The following ANGPT2 variants were observed in gnomAD, a reference collection of about 807,000 sequenced individuals.
ANGPT2 encodes the protein angiopoietin-2.
A neutral mutation model predicts 62.9 loss-of-function variants in ANGPT2; 28 were observed. That is an observed-to-expected ratio of 0.44 (90% confidence interval 0.33 to 0.61). The LOEUF (loss-of-function observed/expected upper bound fraction) is 0.61. Ranked by LOEUF, ANGPT2 falls within the 20% of genes least tolerant of loss-of-function variation. ANGPT2 has a pLI of 0.03. For synonymous variants in ANGPT2, 284 were observed against 207.8 expected (o/e 1.37, Z -3.15); for missense variants, 727 against 594.9 (o/e 1.22, Z -2.31).
intron 1 of ANGPT2, among the ~76,000 whole-genome samples, chr8:6,539,626 T>A (rs2408341): frequency 3.2e-4 from 48 of 152,098 alleles, no homozygotes; most frequent in Non-Finnish European, 5.1e-4. Context: ...TCGCTCTGTC[T>A]CTCAGGCTGG....
intron 1 of ANGPT2, among the ~76,000 whole-genome samples, chr8:6,537,264 G>T (rs1423402961): frequency 1.3e-5 from 2 of 152,070 alleles, no homozygotes; most frequent in Non-Finnish European, 2.9e-5. Flanking sequence ...GTCTGAATAG[G>T]TCCTGCTGTA....
chr8:6,518,732 T>TA (rs1816771060), intron 5 of ANGPT2, among the ~76,000 whole-genome samples: 1 of 152,162 alleles, frequency 6.6e-6, no homozygotes, highest in Non-Finnish European at 1.5e-5. Flanking sequence ...TCTCTGTAGT[T>TA]ATTTGTGTTG....
chr8:6,503,755 A>G (rs1029190214), intron 8 of ANGPT2, among the ~76,000 whole-genome samples: 10 of 152,192 alleles, frequency 6.6e-5, no homozygotes, highest in African/African-American at 2.2e-4. Context: ...GGAAGTCTCT[A>G]TGTTTCAGAG....
At position 6,513,801 on chromosome 8, in the gene ANGPT2, A is replaced by T. The variant is rs1404424707; in HGVS notation, c.1073T>A (p.Phe358Tyr). 6.2e-7 allele frequency: 1 copy of T among 1,613,962 alleles called. No homozygotes were observed. The highest frequency in any genetic ancestry group is 8.5e-7 in the Non-Finnish European group (1 of 1,179,978). Residue 358 changes from phenylalanine (F) to tyrosine (Y), a missense_variant, in exon 7 of 9, where the codon TTT becomes TAT. Phe to Tyr is a conservative substitution (Grantham distance 22). Transcript: ENST00000629816. ...PSGEYWLGNE[F>Y]VSQLTNQQRY... is the part of the protein sequence containing the mutation. ...TTGCTGATTAGTCAGTTGCGAAACA[A>T]ACTCATTTCCCAGCCAATATTCTCC... is the stretch of plus-strand genomic sequence containing the variant.
In ANGPT2 at chr8:6,513,673, C is replaced by G; in HGVS notation, c.1196+5G>C. 6.2e-7 allele frequency: 1 copy of G among 1,603,888 alleles called. No homozygotes were observed. Among genetic ancestry groups the G allele is most frequent in the Non-Finnish European group, 8.5e-7 (1 of 1,175,858 alleles). ...TTTTCTTTCAATTACCATGAACTCA[C>G]TTACCTATAATTGAGTTCTTCACTT... On this transcript the variant is annotated splice_donor_5th_base_variant and intron_variant, in intron 7 of 8. Coordinates refer to ENST00000629816, the MANE Select transcript of ANGPT2 (RefSeq NM_001118887.2).
intron 3 of ANGPT2, among the ~76,000 whole-genome samples, chr8:6,524,109 C>G (rs1013667005): frequency 2.6e-5 from 4 of 152,196 alleles, no homozygotes; most frequent in African/African-American, 9.7e-5. Flanking sequence ...AGATTCCTCT[C>G]TCTGACATTT....
intron 1 of ANGPT2, among the ~76,000 whole-genome samples, chr8:6,542,148 C>A (rs1369549253): frequency 1.3e-5 from 2 of 152,192 alleles, no homozygotes. Context: ...AGCGTTCTTG[C>A]CTTTCTGAAT....
intron 1 of ANGPT2, among the ~76,000 whole-genome samples, chr8:6,544,606 T>G (rs1822207330): frequency 1.3e-5 from 2 of 152,146 alleles, no homozygotes; most frequent in African/African-American, 2.4e-5. Flanking sequence ...GAGGGTTGAG[T>G]AAGAACCGAC....
intron 1 of ANGPT2, among the ~76,000 whole-genome samples, chr8:6,540,322 C>T (rs556685606): frequency 2.6e-5 from 4 of 152,252 alleles, no homozygotes; most frequent in South Asian, 2.1e-4. Context: ...TTATTTTCTA[C>T]TGATAAAGTG....
At chr8:6,513,093 C>T (rs1815503424) in intron 7 of ANGPT2, among the ~76,000 whole-genome samples, 1 of 152,146 alleles carries the variant, frequency 6.6e-6, no homozygotes, top group East Asian at 1.9e-4. Context: ...TTACAAATAC[C>T]TATGAAAGCC....
Position 6,500,589 on chromosome 8 carries a change from C to G in ANGPT2, c.*2512G>C, listed in dbSNP as rs1811970188. On this transcript the variant is annotated 3_prime_UTR_variant, in exon 9 of 9. Transcript: ENST00000629816. ...TTAGCTGTTTGAGTAGGCCATATGA[C>G]TAAAACATAACAAGGAGTTGAACTG... is the stretch of plus-strand genomic sequence containing the variant. The G allele has an allele frequency of 6.5e-6, 1 of 152,816 alleles. No individual in the cohort carries two copies. Among genetic ancestry groups the G allele is most frequent in the East Asian group, 1.9e-4 (1 of 5,200 alleles). 9.5% of individuals were successfully genotyped at this position (152,816 alleles called of 1,614,324 possible). A position where few individuals can be genotyped will look rare whatever the true frequency, so the allele number is the denominator to read the frequency against.
Position 6,508,978 on chromosome 8 carries a change from T to G in ANGPT2, c.1281A>C (p.Gly427=). 6.2e-7 allele frequency: 1 copy of G among 1,614,198 alleles called. No homozygotes were observed. Among genetic ancestry groups the G allele is most frequent in the Non-Finnish European group, 8.5e-7 (1 of 1,180,034 alleles). The change falls in exon 8 of 9, where the codon GGA becomes GGC. Residue 427 remains glycine (G), a synonymous_variant. Transcript: ENST00000629816. ...ATTTGCAAATACATTTGTCGTTGTC[T>G]CCATCCTTTGTGCTAAAATCATTTC... is the stretch of plus-strand genomic sequence containing the variant. ...QPGNDFSTKD[G]DNDKCICKCS...
At chr8:6,524,417 A>T (rs1817952934) in intron 3 of ANGPT2, among the ~76,000 whole-genome samples, 1 of 152,238 alleles carries the variant, frequency 6.6e-6, no homozygotes, top group Non-Finnish European at 1.5e-5. Flanking sequence ...CCTGCTTGAT[A>T]AAGAAACCTT....
At chr8:6,530,577 G>A (rs1021213288) in intron 2 of ANGPT2, among the ~76,000 whole-genome samples, 2 of 128,534 alleles carry the variant, frequency 1.6e-5, no homozygotes, top group Non-Finnish European at 3.4e-5. Flanking sequence ...CTAATAATTC[G>A]CTTTAGATAT....
intron 5 of ANGPT2, among the ~76,000 whole-genome samples, chr8:6,519,103 G>A (rs1013886124): frequency 2.5e-4 from 38 of 152,244 alleles, no homozygotes; most frequent in African/African-American, 8.7e-4. Flanking sequence ...CTCCGCTGCT[G>A]GAGAAGAAAA....
At chr8:6,556,060 G>T (rs144150168) in intron 1 of ANGPT2, among the ~76,000 whole-genome samples, 1 of 152,154 alleles carries the variant, frequency 6.6e-6, no homozygotes, top group Non-Finnish European at 1.5e-5. Flanking sequence ...CCCTGCACTC[G>T]TCTCAAGATC....
At chr8:6,520,394 C>T (rs950874651) in intron 4 of ANGPT2, among the ~76,000 whole-genome samples, 1 of 152,128 alleles carries the variant, frequency 6.6e-6, no homozygotes. Flanking sequence ...TTATCTGTAT[C>T]ATGACCCCAT....
chr8:6,526,177 T>C (rs115688169), intron 3 of ANGPT2, among the ~76,000 whole-genome samples: 1,735 of 149,740 alleles, frequency 0.012, 39 homozygotes, highest in African/African-American at 0.04. Flanking sequence ...CCCAGCACTT[T>C]AGGATGCTGC....
chr8:6,500,766 A>T lies in ANGPT2; in HGVS notation c.*2335T>A, dbSNP rs1812014305. 6.6e-6 allele frequency: 1 copy of T among 152,252 alleles called. No individual in the cohort carries two copies. The highest frequency in any genetic ancestry group is 2.4e-5 in the African/African-American group (1 of 41,462). The allele number at this position is 152,252 out of a possible 1,614,324, so 9.4% of individuals were successfully genotyped here. On this transcript the variant is annotated 3_prime_UTR_variant, in exon 9 of 9. Transcript: ENST00000629816. Reference sequence around the variant, plus strand: ...AAACTGTTTGTTTGAAATACCGTGTAAGGAATTGAAGTGTAAAGTAAAAAC... The same window carrying T: ...AAACTGTTTGTTTGAAATACCGTGTTAGGAATTGAAGTGTAAAGTAAAAAC...
Sources: allele counts gnomAD v4.1 joint callset (sites outside exome capture counted in the v4.1 genomes callset), GRCh38; gene constraint gnomAD v4.1.1; transcripts MANE v1.5; gene names NCBI Gene and HGNC (gene_info 2026-07-23, HGNC 2026-07-21).